PRKDC: variants seen among roughly 807,000 people sequenced by gnomAD.
PRKDC encodes the protein DNA-dependent protein kinase catalytic subunit.
PRKDC carries 82 observed loss-of-function variants against 486.9 expected under a neutral mutation model. That is an observed-to-expected ratio of 0.17 (90% CI 0.14 to 0.20). The LOEUF (loss-of-function observed/expected upper bound fraction) is 0.20. Among genes scored for constraint, PRKDC ranks in the 10% least tolerant of loss-of-function variants. PRKDC has a pLI of 1.00. For missense variants in PRKDC, 4,504 were observed against 5,038.2 expected (o/e 0.89, Z 3.21); for synonymous variants, 1,895 against 1,837.0 (o/e 1.03, Z -0.81).
intron 68 of PRKDC, among the ~76,000 whole-genome samples, chr8:47,812,900 G>C (rs1053170919): frequency 2.6e-5 from 4 of 151,818 alleles, no homozygotes; most frequent in African/African-American, 9.7e-5. Flanking sequence ...GAAAAAGGGG[G>C]TTCCCTCCAC....
intron 71 of PRKDC, among the ~76,000 whole-genome samples, chr8:47,800,472 G>A (rs1459832435): frequency 1.3e-5 from 2 of 148,716 alleles, no homozygotes; most frequent in African/African-American, 2.5e-5. Flanking sequence ...GTGGGGGGAA[G>A]GGGGAGGGAT....
intron 76 of PRKDC, 147 bp from the exon 77 acceptor site, chr8:47,785,464 TG>T: frequency 1.4e-6 from 1 of 712,748 alleles, no homozygotes; most frequent in African/African-American, 1.8e-5. Flanking sequence ...TTGGGCATGG[TG>T]GCTCATGCCT....
At chr8:47,888,145 T>C (rs2089376744) in intron 34 of PRKDC, among the ~76,000 whole-genome samples, 2 of 152,192 alleles carry the variant, frequency 1.3e-5, no homozygotes, top group Non-Finnish European at 1.5e-5. Flanking sequence ...CCCAAAGTGC[T>C]GGGATTACAA....
Position 47,803,399 on chromosome 8 carries a change from C to A in PRKDC, c.9829G>T (p.Val3277Leu). 6.2e-7 allele frequency: 1 copy of A among 1,614,006 alleles called. No individual in the cohort carries two copies. The highest frequency in any genetic ancestry group is 8.5e-7 in the Non-Finnish European group (1 of 1,179,890). The part of the protein sequence containing the change: ...KTRDDWLVSW[V>L]QSYCRLSHCR... ...TGGCTCAGGCGGCAGTAGCTCTGCACCCAGCTCACCAGCCAATCGTCTCTG... is the reference window on the plus strand; with the variant it reads ...TGGCTCAGGCGGCAGTAGCTCTGCAACCAGCTCACCAGCCAATCGTCTCTG... The change falls in exon 70 of 86, where the codon GTG becomes TTG. Residue 3277 changes from valine to leucine, a missense_variant. Physicochemically the swap from Val to Leu is conservative, Grantham distance 32. Coordinates refer to ENST00000314191, the MANE Select transcript of PRKDC (RefSeq NM_006904.7).
intron 25 of PRKDC, among the ~76,000 whole-genome samples, chr8:47,907,933 C>A (rs2089821637): frequency 6.6e-6 from 1 of 152,142 alleles, no homozygotes. Context: ...TTTTCAGTAG[C>A]CACCCAGTAC....
intron 54 of PRKDC, among the ~76,000 whole-genome samples, chr8:47,845,174 T>A (rs1321082262): frequency 6.6e-6 from 1 of 152,030 alleles, no homozygotes; most frequent in Non-Finnish European, 1.5e-5. Flanking sequence ...TGAGCCGAGA[T>A]CGCTACCACT....
At chr8:47,957,473 A>G in intron 1 of PRKDC, 42 bp from the exon 2 acceptor site, 2 of 1,484,384 alleles carry the variant, frequency 1.3e-6, no homozygotes, top group South Asian at 1.2e-5. Flanking sequence ...GAGTGCCAAG[A>G]GCATCATGTA....
At chr8:47,781,460 G>GA (rs1476767808) in intron 80 of PRKDC, among the ~76,000 whole-genome samples, 20 of 152,178 alleles carry the variant, frequency 1.3e-4, no homozygotes, top group African/African-American at 4.8e-4. Flanking sequence ...ACATCAAAGA[G>GA]AAAGAAGCCC....
rs36103307 is a variant in PRKDC, at chr8:47,890,129, TATA to T, written c.4071+125_4071+127del. On this transcript the variant is annotated intron_variant, in intron 32 of 85. Coordinates refer to ENST00000314191, the MANE Select transcript of PRKDC (RefSeq NM_006904.7). The stretch of plus-strand genomic sequence containing the variant: ...GAAAAGCTGGGTTGAGAGGATGAAA[TATA>T]ATAATAATAATAATAATAATAATAA... 35,408 of 355,808 alleles carry T rather than the reference TATA, an allele frequency of 0.1. 3,469 individuals are homozygous for T. Among genetic ancestry groups the T allele is most frequent in the African/African-American group, 0.32 (14,408 of 44,376 alleles). The allele number at this position is 355,808 out of a possible 1,614,324, so 22.0% of individuals were successfully genotyped here.
intron 40 of PRKDC, among the ~76,000 whole-genome samples, chr8:47,870,004 G>A (rs1293694811): frequency 1.3e-5 from 2 of 152,234 alleles, no homozygotes; most frequent in Non-Finnish European, 2.9e-5. Context: ...TTGGCTGCCA[G>A]CTCAACTGCA....
Position 47,836,367 on chromosome 8 carries a change from T to G in PRKDC, c.7922A>C (p.Gln2641Pro), listed in dbSNP as rs765177308. Residue 2641 changes from glutamine (Q) to proline (P), a missense_variant, in exon 58 of 86, where the codon CAG becomes CCG. By Grantham distance (76) the Gln-to-Pro change is moderately conservative (BLOSUM62 -1). Coordinates refer to ENST00000314191, the MANE Select transcript of PRKDC (RefSeq NM_006904.7). ...VAGQIRATQQ[Q>P]HDFTLTQTAD... ...AGTCTGTGTCAGTGTGAAGTCATGC[T>G]GCTGCTGGGTGGCCCTTATCTGCCC... The G allele has an allele frequency of 5.6e-6, 9 of 1,603,864 alleles. No homozygotes were observed. Among genetic ancestry groups the G allele is most frequent in the Non-Finnish European group, 7.7e-6 (9 of 1,173,740 alleles).
intron 54 of PRKDC, among the ~76,000 whole-genome samples, chr8:47,842,609 CA>C (rs1432955916): frequency 6.6e-6 from 1 of 151,952 alleles, no homozygotes; most frequent in African/African-American, 2.4e-5. Flanking sequence ...GAAGCAACTC[CA>C]AAAAGATAAA....
intron 38 of PRKDC, 78 bp from the exon 39 acceptor site, chr8:47,879,736 G>C: frequency 8.2e-7 from 1 of 1,212,890 alleles, no homozygotes; most frequent in Non-Finnish European, 1.1e-6. Context: ...ATTACTGTAA[G>C]ACATTGCAAA....
At chr8:47,954,817 A>T (rs1308359574) in intron 4 of PRKDC, among the ~76,000 whole-genome samples, 2 of 152,146 alleles carry the variant, frequency 1.3e-5, no homozygotes, top group South Asian at 4.1e-4. Flanking sequence ...TACAAAAAAA[A>T]CAGAAACAGG....
At chr8:47,939,464 T>C in intron 11 of PRKDC, 87 bp downstream of exon 11, 1 of 1,435,500 alleles carries the variant, frequency 7.0e-7, no homozygotes, top group Admixed American at 1.8e-5. Flanking sequence ...TTACAAGTAT[T>C]AGACACTATT....
At chr8:47,829,304 T>C (rs773431927) in intron 61 of PRKDC, among the ~76,000 whole-genome samples, 6 of 152,244 alleles carry the variant, frequency 3.9e-5, no homozygotes, top group Non-Finnish European at 7.3e-5. Context: ...CCATTTTTGA[T>C]GTTTTATGAA....
chr8:47,927,335 G>A lies in PRKDC; in HGVS notation c.2278C>T (p.Leu760=). 1 of 1,611,910 alleles carries A rather than the reference G, an allele frequency of 6.2e-7. No homozygotes were observed. The highest frequency in any genetic ancestry group is 1.3e-5 in the African/African-American group (1 of 74,904). The change falls in exon 21 of 86, where the codon CTG becomes TTG. Residue 760 remains leucine, a synonymous_variant. Coordinates refer to ENST00000314191, the MANE Select transcript of PRKDC (RefSeq NM_006904.7). ...PALQMAFKLG[L]SYTPLAEVGL... ...ACTTCTGCCAAGGGGGTATAGCTCA[G>A]GCCCAGTTTGAAAGCCATCTGTATG...
intron 7 of PRKDC, among the ~76,000 whole-genome samples, chr8:47,953,010 G>A (rs185543369): frequency 3.9e-4 from 59 of 152,192 alleles, no homozygotes; most frequent in Middle Eastern, 3.4e-3. Flanking sequence ...ATTTAGTGGC[G>A]AGTGCCTGTA....
intron 54 of PRKDC, among the ~76,000 whole-genome samples, chr8:47,842,355 C>T (rs1018536953): frequency 2.6e-5 from 4 of 152,170 alleles, no homozygotes; most frequent in African/African-American, 9.7e-5. Flanking sequence ...TATACTGGAT[C>T]ATAGTCTGAA....
Sources: allele counts gnomAD v4.1 joint callset (sites outside exome capture counted in the v4.1 genomes callset), GRCh38; gene constraint gnomAD v4.1.1; transcripts MANE v1.5; gene names NCBI Gene and HGNC (gene_info 2026-07-23, HGNC 2026-07-21).